The following UBR7 variants were observed in gnomAD, a reference collection of about 807,000 sequenced individuals.
The protein encoded by UBR7 is putative E3 ubiquitin-protein ligase UBR7.
In UBR7, 22 loss-of-function variants were observed where a neutral mutation model predicts 57.0. That is an observed-to-expected ratio of 0.39 (90% confidence interval 0.28 to 0.55). The LOEUF is 0.55. Among genes scored for constraint, UBR7 ranks in the 20% least tolerant of loss-of-function variants. The probability of loss-of-function intolerance (pLI) is 0.69; values close to 1 mark genes in which losing one functional copy is unlikely to be tolerated. For synonymous variants in UBR7, 167 were observed against 179.8 expected, an observed-to-expected ratio of 0.93 and a Z score of 0.57; for missense variants, 395 against 513.2, an observed-to-expected ratio of 0.77 and a Z score of 2.23.
At chr14:93,220,678 T>C (rs1220978267) in intron 9 of UBR7, among the ~76,000 whole-genome samples, 1 of 152,184 alleles carries the variant, frequency 6.6e-6, no homozygotes, top group Non-Finnish European at 1.5e-5. Flanking sequence ...TTTCCATCCA[T>C]TGAAACAATT....
chr14:93,219,627 T>C (rs1360686163), intron 8 of UBR7, among the ~76,000 whole-genome samples: 1 of 152,244 alleles, frequency 6.6e-6, no homozygotes, highest in Non-Finnish European at 1.5e-5. Flanking sequence ...TATTTTAATT[T>C]TAGTTTACTT....
chr14:93,214,402 T>C (rs28600115), intron 4 of UBR7, among the ~76,000 whole-genome samples: 6,564 of 152,328 alleles, frequency 0.043, 161 homozygotes, highest in African/African-American at 0.075. Context: ...CAAAATAGTC[T>C]ATGTCCTTTG....
At chr14:93,212,763 C>G (rs1418559223) in intron 4 of UBR7, among the ~76,000 whole-genome samples, 1 of 152,142 alleles carries the variant, frequency 6.6e-6, no homozygotes, top group Non-Finnish European at 1.5e-5. Context: ...CACACTTACC[C>G]CCTTCTAACT....
rs759698247 is a variant in UBR7, at chr14:93,222,387, A to G, written c.1185+13A>G. On this transcript the variant is annotated intron_variant, in intron 10 of 10. Transcript: ENST00000013070. ...TGATGAAGGCACGGTATGTTGAGTT[A>G]AAGAATTCTAATCATAGCCCTGTAA... is the stretch of plus-strand genomic sequence containing the variant. 1.3e-6 allele frequency: 2 copies of G among 1,569,878 alleles called. No individual in the cohort carries two copies. The highest frequency in any genetic ancestry group is 1.8e-6 in the Non-Finnish European group (2 of 1,139,738).
rs1186090009 is a variant in UBR7 at position 93,227,573 on chromosome 14, G to T, written c.*538G>T. 1 of 699,872 alleles carries T rather than the reference G, an allele frequency of 1.4e-6. No homozygotes were observed. The highest frequency in any genetic ancestry group is 2.6e-6 in the Non-Finnish European group (1 of 384,740). 43.4% of individuals were successfully genotyped at this position (699,872 alleles called of 1,614,324 possible). ...CTGAGGTTTGGTCATAGCTTAGAAA[G>T]GATCTTGGGGCTTGTTTTCTCTAGG... On this transcript the variant is annotated 3_prime_UTR_variant, in exon 11 of 11. Coordinates refer to ENST00000013070, the MANE Select transcript of UBR7 (RefSeq NM_175748.4).
chr14:93,218,851 T>G, intron 7 of UBR7, 116 bp downstream of exon 7: 1 of 1,090,402 alleles, frequency 9.2e-7, no homozygotes, highest in Non-Finnish European at 1.3e-6. Flanking sequence ...GGTCACGGGT[T>G]TGAGACCAGC....
intron 10 of UBR7, among the ~76,000 whole-genome samples, chr14:93,226,014 G>A (rs1470070585): frequency 6.6e-6 from 1 of 152,200 alleles, no homozygotes; most frequent in Non-Finnish European, 1.5e-5. Context: ...ATTTCAGGAT[G>A]TGTTCAGCCT....
rs374711240 is a variant in UBR7, at chr14:93,219,351, A to G, written c.950A>G (p.Gln317Arg). ...LNWRSKLCTC[Q>R]DCMKMYGDLD... ...TGGCGTAGCAAGTTGTGTACCTGCC[A>G]AGACTGTATGGTAAAGTATCTGATT... is the stretch of plus-strand genomic sequence containing the variant. The change falls in exon 8 of 11, where the codon CAA becomes CGA. Residue 317 changes from glutamine (Q) to arginine (R), a missense_variant. Coordinates refer to ENST00000013070, the MANE Select transcript of UBR7 (RefSeq NM_175748.4). 2 of 1,614,088 alleles carry G rather than the reference A, an allele frequency of 1.2e-6. No homozygotes were observed. Among genetic ancestry groups the G allele is most frequent in the Non-Finnish European group, 1.7e-6 (2 of 1,180,048 alleles).
chr14:93,210,637 C>T lies in UBR7; in HGVS notation c.285-11C>T. The T allele has an allele frequency of 6.3e-7, 1 of 1,594,022 alleles. No homozygotes were observed. The highest frequency in any genetic ancestry group is 8.6e-7 in the Non-Finnish European group (1 of 1,167,728). ...AAGAAAAATAAAATTGTTATTTCCT[C>T]CTTTTTTCAGAAATTTTCGTTGTGA... is the stretch of plus-strand genomic sequence containing the variant. On this transcript the variant is annotated splice_polypyrimidine_tract_variant and intron_variant, in intron 2 of 10. Coordinates refer to ENST00000013070, the MANE Select transcript of UBR7 (RefSeq NM_175748.4).
intron 1 of UBR7, 76 bp downstream of exon 1, chr14:93,207,517 C>T (rs1894389726): frequency 6.8e-7 from 1 of 1,461,846 alleles, no homozygotes. Context: ...GTCCCTATTC[C>T]CGCCTTGCCG....
At chr14:93,209,576 C>CA (rs1368405638) in intron 1 of UBR7, among the ~76,000 whole-genome samples, 2 of 151,590 alleles carry the variant, frequency 1.3e-5, no homozygotes, top group African/African-American at 4.9e-5. Flanking sequence ...CTTATCTCTG[C>CA]AAAAAATAAA....
chr14:93,207,445 G>C lies in UBR7; in HGVS notation c.150+4G>C, dbSNP rs752705428. ...CGAGAAGTGCTCCTACTCTCAGGTG[G>C]GCGCGCGGCCCGGGCCTCCTCTCCC... On this transcript the variant is annotated splice_donor_region_variant and intron_variant, in intron 1 of 10. Transcript: ENST00000013070. 3.9e-6 allele frequency: 6 copies of C among 1,546,426 alleles called. No homozygotes were observed. In the South Asian group the frequency reaches 6.0e-5, roughly 16 times the overall value.
intron 7 of UBR7, 69 bp downstream of exon 7, chr14:93,218,804 C>T: frequency 9.2e-6 from 14 of 1,529,382 alleles, no homozygotes; most frequent in Non-Finnish European, 1.2e-5. Flanking sequence ...GCCCATAATC[C>T]CAGCACTTTG....
intron 3 of UBR7, among the ~76,000 whole-genome samples, chr14:93,211,710 C>A (rs1264684154): frequency 6.6e-6 from 1 of 151,902 alleles, no homozygotes; most frequent in Non-Finnish European, 1.5e-5. Context: ...AAAGAAGTAC[C>A]TTGAAATTCC....
chr14:93,219,691 T>C (rs115730508), intron 8 of UBR7, among the ~76,000 whole-genome samples: 2,792 of 152,256 alleles, frequency 0.018, 86 homozygotes, highest in African/African-American at 0.064. Context: ...TATAGTAAAT[T>C]GGCCAGGTGC....
intron 1 of UBR7, among the ~76,000 whole-genome samples, chr14:93,209,459 T>C (rs1200492969): frequency 6.6e-6 from 1 of 152,242 alleles, no homozygotes; most frequent in Non-Finnish European, 1.5e-5. Context: ...AAAGAAGTGC[T>C]GGCTTGTGTC....
At chr14:93,214,881 T>G (rs766122947) in intron 4 of UBR7, 48 bp from the exon 5 acceptor site, 1 of 1,525,980 alleles carries the variant, frequency 6.6e-7, no homozygotes, top group Non-Finnish European at 9.1e-7. Flanking sequence ...GTTATTTCCA[T>G]GTTCCCGAAT....
rs776760387 is a variant in UBR7, at chr14:93,210,635, C to T, written c.285-13C>T. 5.7e-6 allele frequency: 9 copies of T among 1,590,914 alleles called. No homozygotes were observed. The highest frequency in any genetic ancestry group is 7.7e-6 in the Non-Finnish European group (9 of 1,165,940). On this transcript the variant is annotated splice_polypyrimidine_tract_variant and intron_variant, in intron 2 of 10. Transcript: ENST00000013070. ...AAAAGAAAAATAAAATTGTTATTTC[C>T]TCCTTTTTTCAGAAATTTTCGTTGT...
rs1008731895 is a variant in UBR7 at position 93,228,482 on chromosome 14, G to T, written c.*1447G>T. 3 of 453,952 alleles carry T rather than the reference G, an allele frequency of 6.6e-6. No homozygotes were observed. Among genetic ancestry groups the T allele is most frequent in the African/African-American group, 6.0e-5 (3 of 49,988 alleles). The allele number at this position is 453,952 out of a possible 1,614,324, so 28.1% of individuals were successfully genotyped here. Reference sequence around the variant, plus strand: ...TATTCATTCGAGTGCCCAATCCCTGGATGAGATGAACTAGGCCTTATAAAA... The same window carrying T: ...TATTCATTCGAGTGCCCAATCCCTGTATGAGATGAACTAGGCCTTATAAAA... On this transcript the variant is annotated 3_prime_UTR_variant, in exon 11 of 11. Transcript: ENST00000013070.
Sources: allele counts gnomAD v4.1 joint callset (sites outside exome capture counted in the v4.1 genomes callset), GRCh38; gene constraint gnomAD v4.1.1; transcripts MANE v1.5; gene names NCBI Gene and HGNC (gene_info 2026-07-23, HGNC 2026-07-21).